MYOF: variants seen among roughly 807,000 people sequenced by gnomAD.
The protein encoded by MYOF is fer-1-like 3, myoferlin.
Under a neutral mutation model 284.2 loss-of-function variants are expected in MYOF, and 244 were observed. The ratio of observed to expected loss-of-function variants is 0.86; its 90% confidence interval spans 0.77 to 0.95. The LOEUF (loss-of-function observed/expected upper bound fraction) is 0.95, where lower values mean the gene tolerates loss of function less well. Among genes scored for constraint, MYOF ranks in the 40% least tolerant of loss-of-function variants. MYOF has a pLI of 0.00. For missense variants in MYOF, 2,496 were observed against 2,560.6 expected (o/e 0.97, Z 0.54); for synonymous variants, 904 against 919.7 (o/e 0.98, Z 0.31).
chr10:93,471,691 C>A (rs1240427893), intron 1 of MYOF, among the ~76,000 whole-genome samples: 8 of 152,110 alleles, frequency 5.3e-5, no homozygotes, highest in Non-Finnish European at 1.2e-4. Context: ...GAGATCGAGA[C>A]CAGCCTGGCT....
At chr10:93,313,391 C>T (rs894358795) in intron 50 of MYOF, among the ~76,000 whole-genome samples, 181 bp from the exon 51 acceptor site, 7 of 152,150 alleles carry the variant, frequency 4.6e-5, no homozygotes, top group Admixed American at 6.5e-5. Flanking sequence ...AGGAAAATGG[C>T]CGAAGAAATA....
intron 43 of MYOF, among the ~76,000 whole-genome samples, chr10:93,330,532 C>T (rs995578012): frequency 2.6e-5 from 4 of 152,208 alleles, no homozygotes; most frequent in African/African-American, 4.8e-5. Flanking sequence ...TTCTCCCAGA[C>T]CCACTGGGTA....
At chr10:93,477,347 C>A (rs2057285875) in intron 1 of MYOF, among the ~76,000 whole-genome samples, 1 of 151,624 alleles carries the variant, frequency 6.6e-6, no homozygotes, top group South Asian at 2.1e-4. Flanking sequence ...ACAAAATTAG[C>A]CGGGTGTGGT....
intron 46 of MYOF, among the ~76,000 whole-genome samples, chr10:93,325,024 T>C (rs1189690465): frequency 6.6e-6 from 1 of 152,156 alleles, no homozygotes; most frequent in East Asian, 1.9e-4. Flanking sequence ...GTGATCCACC[T>C]GCCTCGACCT....
chr10:93,395,343 T>C (rs1846949469), intron 16 of MYOF, among the ~76,000 whole-genome samples: 2 of 152,182 alleles, frequency 1.3e-5, no homozygotes, highest in Admixed American at 1.3e-4. Flanking sequence ...CTCGGGAGGC[T>C]GAGGCAGGAG....
In MYOF at chr10:93,379,957, T is replaced by C; in HGVS notation, c.1907A>G (p.His636Arg). 6.2e-7 allele frequency: 1 copy of C among 1,614,028 alleles called. No homozygotes were observed. Among genetic ancestry groups the C allele is most frequent in the Non-Finnish European group, 8.5e-7 (1 of 1,179,946 alleles). ...GNYYYYLPWA[H>R]TKPVVTLTSY... ...AGTCAGGGTAACAACTGGCTTGGTG[T>C]GGGCCCAAGGCAAGTAATAATAGTA... The change falls in exon 21 of 54, where the codon CAC becomes CGC. Residue 636 changes from histidine (H) to arginine (R), a missense_variant. Around this residue, in one of 3 missense-constraint regions of MYOF, gnomAD observed 2,436 missense variants for 2,480.7 expected, o/e 0.98. Transcript: ENST00000359263.
At chr10:93,345,406 T>G (rs1399895946) in intron 37 of MYOF, among the ~76,000 whole-genome samples, 1 of 152,202 alleles carries the variant, frequency 6.6e-6, no homozygotes, top group Non-Finnish European at 1.5e-5. Context: ...AGCTTGTGTT[T>G]TAACCACCAC....
At chr10:93,472,988 C>G (rs2134393020) in intron 1 of MYOF, among the ~76,000 whole-genome samples, 1 of 152,302 alleles carries the variant, frequency 6.6e-6, no homozygotes, top group Non-Finnish European at 1.5e-5. Flanking sequence ...CAACAACCTC[C>G]CTGTGAGGTA....
chr10:93,435,453 T>G (rs1441902159), intron 3 of MYOF, among the ~76,000 whole-genome samples: 1 of 152,220 alleles, frequency 6.6e-6, no homozygotes, highest in Non-Finnish European at 1.5e-5. Context: ...AGGGCAAAAC[T>G]GCCCCAGGTT....
intron 27 of MYOF, among the ~76,000 whole-genome samples, chr10:93,362,031 C>A (rs187562115): frequency 5.9e-5 from 9 of 152,066 alleles, no homozygotes; most frequent in African/African-American, 2.2e-4. Context: ...TCACTGCAAC[C>A]TCTGCCTCCT....
In MYOF at chr10:93,412,459, C is replaced by T. The variant is rs541395538; in HGVS notation, c.434-2720G>A. Among the ~76,000 whole-genome samples, 12 of 152,298 alleles carry T rather than the reference C, an allele frequency of 7.9e-5. No individual in the cohort carries two copies. The South Asian group carries it at 2.3e-3, about 29-fold the overall frequency. On this transcript the variant is annotated intron_variant, in intron 5 of 53. Coordinates refer to ENST00000359263, the MANE Select transcript of MYOF (RefSeq NM_013451.4). ...GGAATCTTCTTCATCCTACTCTCTA[C>T]CAGGTAAGTTCCTCTCCTTCTTAAG... is the stretch of plus-strand genomic sequence containing the variant.
intron 26 of MYOF, among the ~76,000 whole-genome samples, chr10:93,366,115 T>C (rs1845315015): frequency 6.6e-6 from 1 of 152,220 alleles, no homozygotes; most frequent in South Asian, 2.1e-4. Flanking sequence ...TGTAGGGCTG[T>C]AGTAAAGATT....
chr10:93,378,297 A>G (rs1027790746), intron 21 of MYOF, among the ~76,000 whole-genome samples: 4 of 152,192 alleles, frequency 2.6e-5, no homozygotes, highest in Non-Finnish European at 5.9e-5. Context: ...AGAGCTGATA[A>G]GAAGAACCAG....
At chr10:93,394,676 G>A (rs1299549600) in intron 16 of MYOF, among the ~76,000 whole-genome samples, 1 of 146,162 alleles carries the variant, frequency 6.8e-6, no homozygotes, top group Non-Finnish European at 1.5e-5. Flanking sequence ...TAGCCAGGAT[G>A]GTCTCGATCT....
intron 1 of MYOF, among the ~76,000 whole-genome samples, chr10:93,479,322 C>G (rs2057339911): frequency 1.3e-5 from 2 of 152,146 alleles, no homozygotes; most frequent in East Asian, 1.9e-4. Flanking sequence ...TACCCTGCCC[C>G]ACTCCACACT....
At chr10:93,465,365 T>A (rs2056978250) in intron 1 of MYOF, among the ~76,000 whole-genome samples, 1 of 152,186 alleles carries the variant, frequency 6.6e-6, no homozygotes, top group South Asian at 2.1e-4. Flanking sequence ...CGGAGTAAAT[T>A]GGACTTCATA....
chr10:93,415,884 C>T (rs560107053), intron 5 of MYOF, among the ~76,000 whole-genome samples: 8 of 152,264 alleles, frequency 5.3e-5, no homozygotes, highest in South Asian at 2.1e-4. Context: ...ATTGACTCCA[C>T]GGTGCCCCCT....
chr10:93,366,650 G>A (rs1845339636), intron 25 of MYOF, 95 bp from the exon 26 acceptor site: 3 of 1,064,000 alleles, frequency 2.8e-6, no homozygotes, highest in African/African-American at 3.2e-5. Flanking sequence ...ACTTAGGCTA[G>A]ACAACTACAG....
At chr10:93,429,060 G>C (rs1361244973) in intron 4 of MYOF, among the ~76,000 whole-genome samples, 1 of 152,182 alleles carries the variant, frequency 6.6e-6, no homozygotes, top group African/African-American at 2.4e-5. Context: ...TCCAATAGTG[G>C]AGTTGGGCCC....
Sources: gnomAD v4.1 joint callset for allele counts (sites outside exome capture counted in the v4.1 genomes callset) on GRCh38, gnomAD v4.1.1 for gene constraint, gnomAD v4.1.1 regional missense constraint, MANE v1.5 for transcripts, NCBI Gene and HGNC (gene_info 2026-07-23, HGNC 2026-07-21) for gene names.